The following CAPRIN2 variants were observed in gnomAD, a reference collection of about 807,000 sequenced individuals.
CAPRIN2 encodes caprin-2.
Under a neutral mutation model 130.4 loss-of-function variants are expected in CAPRIN2, and 66 were observed. The ratio of observed to expected loss-of-function variants is 0.51; its 90% CI spans 0.42 to 0.62. The LOEUF (loss-of-function observed/expected upper bound fraction) is 0.62. CAPRIN2 is among the 20% of genes least tolerant of loss of function. The probability of loss-of-function intolerance (pLI) is 0.00; values close to 1 mark genes in which losing one functional copy is unlikely to be tolerated. For synonymous variants in CAPRIN2, 471 were observed against 444.1 expected (o/e 1.06, Z -0.76); for missense variants, 1,185 against 1,246.6 (o/e 0.95, Z 0.74).
chr12:30,728,946 T>C (rs2061742835), exon 8 of CAPRIN2: 1 of 1,614,194 alleles, frequency 6.2e-7, no homozygotes, highest in East Asian at 2.2e-5. Context: ...TGGCCACAGC[T>C]TTGGTGTCTC....
intron 8 of CAPRIN2, among the ~76,000 whole-genome samples, chr12:30,727,018 C>T (rs2061144539): frequency 6.6e-6 from 1 of 152,098 alleles, no homozygotes; most frequent in African/African-American, 2.4e-5. Context: ...ATCTGTCCCA[C>T]AAAAGCAAAT....
intron 15 of CAPRIN2, among the ~76,000 whole-genome samples, chr12:30,711,987 CA>C (rs928688750): frequency 6.6e-6 from 1 of 152,120 alleles, no homozygotes; most frequent in African/African-American, 2.4e-5. Flanking sequence ...CATCATAAAG[CA>C]AAAACACAGA....
chr12:30,751,315 T>A, intron 1 of CAPRIN2, 182 bp from the exon 3 acceptor site: 1 of 587,116 alleles, frequency 1.7e-6, no homozygotes. Flanking sequence ...GGAGAAAAAA[T>A]ACACAGAATC....
At chr12:30,740,443 A>ACTTC (rs1468950977) in intron 3 of CAPRIN2, among the ~76,000 whole-genome samples, 4 of 152,026 alleles carry the variant, frequency 2.6e-5, no homozygotes, top group Middle Eastern at 3.2e-3. Context: ...AAAAGTAAAG[A>ACTTC]ATACTTCACT....
chr12:30,724,322 G>C, intron 10 of CAPRIN2, 48 bp downstream of exon 11: 2 of 1,069,112 alleles, frequency 1.9e-6, no homozygotes, highest in Non-Finnish European at 1.5e-6. Flanking sequence ...ACAACAAATA[G>C]CTGTTAGCTC....
chr12:30,723,125 CA>C (rs2137206116), intron 11 of CAPRIN2, 133 bp downstream of exon 12: 1 of 650,152 alleles, frequency 1.5e-6, no homozygotes, highest in Non-Finnish European at 2.7e-6. Flanking sequence ...ATTTAATCTA[CA>C]AAACTAGATA....
At chr12:30,743,461 G>A (rs927452819) in intron 2 of CAPRIN2, among the ~76,000 whole-genome samples, 28 of 152,080 alleles carry the variant, frequency 1.8e-4, no homozygotes, top group African/African-American at 6.3e-4. Flanking sequence ...TTAAAGCTGT[G>A]GATCTTTTAT....
At chr12:30,753,818 CA>C in exon 1 of CAPRIN2, 5 of 1,488,966 alleles carry the variant, frequency 3.4e-6, no homozygotes, top group Non-Finnish European at 4.5e-6. Context: ...TTTACATAGG[CA>C]AAATCTCCCA....
At chr12:30,738,358 G>A (rs1286992426) in intron 3 of CAPRIN2, among the ~76,000 whole-genome samples, 1 of 150,596 alleles carries the variant, frequency 6.6e-6, no homozygotes, top group East Asian at 1.9e-4. Flanking sequence ...TAGAGAAAAA[G>A]TACCTAGGGC....
chr12:30,716,635 T>C, exon 13 of CAPRIN2: 1 of 1,614,028 alleles, frequency 6.2e-7, no homozygotes, highest in Non-Finnish European at 8.5e-7. Flanking sequence ...CTTTTATTTC[T>C]TGTTCTTTTC....
intron 14 of CAPRIN2, among the ~76,000 whole-genome samples, chr12:30,714,372 T>G (rs935334803): frequency 1.3e-5 from 2 of 152,132 alleles, no homozygotes; most frequent in Non-Finnish European, 2.9e-5. Context: ...TTTGTAGAGG[T>G]AGGGTCTCAC....
chr12:30,729,165 G>C, exon 8 of CAPRIN2: 1 of 1,614,030 alleles, frequency 6.2e-7, no homozygotes, highest in South Asian at 1.1e-5. Context: ...AGCCTCCCAG[G>C]ACTTAAAGGA....
rs1384201303 is a variant in CAPRIN2, at chr12:30,721,482, G to C, written c.2044-567C>G. On this transcript the variant is annotated intron_variant, in intron 11 of 16. Transcript: ENST00000298892. ...ATTCTAGTGAAAAATCAAGCTGATA[G>C]CATATGTAAAATAAAAATTGGGAGA... Among the ~76,000 whole-genome samples, 10 of 152,140 alleles carry C rather than the reference G, an allele frequency of 6.6e-5. 1 individual carries two copies. The highest frequency in any genetic ancestry group is 5.9e-4 in the Admixed American group (9 of 15,278).
Position 30,729,181 on chromosome 12 carries a change from GTT to G in CAPRIN2, c.1247_1248del (p.Lys416ThrfsTer5). On this transcript the variant is annotated frameshift_variant, in exon 8 of 17. Transcript: ENST00000298892. LOFTEE classifies it high-confidence loss of function. The stretch of plus-strand genomic sequence containing the variant: ...GCCTCCCAGGACTTAAAGGACTCCT[GTT>G]TCTTCTCTTGACCATCTGGTTCAGT... The G allele has an allele frequency of 1.2e-6, 2 of 1,614,008 alleles. No individual in the cohort carries two copies. Among genetic ancestry groups the G allele is most frequent in the Non-Finnish European group, 1.7e-6 (2 of 1,179,994 alleles).
At chr12:30,753,635 T>A (rs774923794) in exon 1 of CAPRIN2, 4 of 1,614,024 alleles carry the variant, frequency 2.5e-6, no homozygotes, top group African/African-American at 1.3e-5. Context: ...GAAAGTTAAG[T>A]ATAAAATTAG....
At chr12:30,713,183 A>G (rs896056714) in intron 15 of CAPRIN2, among the ~76,000 whole-genome samples, 1 of 152,210 alleles carries the variant, frequency 6.6e-6, no homozygotes, top group African/African-American at 2.4e-5. Context: ...GTAAAACTTC[A>G]AAACTGAATA....
intron 6 of CAPRIN2, 91 bp from the exon 8 acceptor site, chr12:30,730,373 C>A (rs2062250351): frequency 1.1e-6 from 1 of 902,346 alleles, no homozygotes. Flanking sequence ...CAACATATTT[C>A]AGAAGACTCG....
At chr12:30,752,572 T>A (rs1349525948) in intron 1 of CAPRIN2, among the ~76,000 whole-genome samples, 10 of 129,304 alleles carry the variant, frequency 7.7e-5, no homozygotes, top group Non-Finnish European at 1.3e-4. Flanking sequence ...TTTCTTAGGT[T>A]AAAAAAAAAA....
chr12:30,719,123 T>C, intron 12 of CAPRIN2: 2 of 1,614,124 alleles, frequency 1.2e-6, no homozygotes, highest in Admixed American at 3.3e-5. Flanking sequence ...GTTACTGAAC[T>C]ACTACTTGCT....
Sources: allele counts gnomAD v4.1 joint callset (sites outside exome capture counted in the v4.1 genomes callset), GRCh38; gene constraint gnomAD v4.1.1; transcripts MANE v1.5; gene names NCBI Gene and HGNC (gene_info 2026-07-23, HGNC 2026-07-21).